The following FAT3 variants were observed in gnomAD, a reference collection of about 807,000 sequenced individuals.
FAT3 encodes protocadherin Fat 3.
A neutral mutation model predicts 310.2 loss-of-function variants in FAT3; 95 were observed. The ratio of observed to expected loss-of-function variants is 0.31; its 90% confidence interval spans 0.26 to 0.36. The LOEUF is 0.36. Ranked by LOEUF, FAT3 falls within the 10% of genes least tolerant of loss-of-function variation. The pLI is 1.00. For missense variants in FAT3, 5,408 were observed against 5,715.6 expected (o/e 0.95, Z 1.74); for synonymous variants, 2,314 against 2,192.9 (o/e 1.06, Z -1.54).
intron 4 of FAT3, among the ~76,000 whole-genome samples, chr11:92,708,979 C>T (rs1210880743): frequency 6.6e-6 from 1 of 152,206 alleles, no homozygotes; most frequent in Admixed American, 6.6e-5. Flanking sequence ...CAGTCTTTCC[C>T]TCTGGCTTTC....
intron 3 of FAT3, among the ~76,000 whole-genome samples, chr11:92,538,791 G>C (rs1437280975): frequency 6.6e-6 from 1 of 152,044 alleles, no homozygotes; most frequent in African/African-American, 2.4e-5. Context: ...AAGAGATTAA[G>C]TAAATAATAT....
At chr11:92,331,597 C>T (rs369596689) in intron 1 of FAT3, among the ~76,000 whole-genome samples, 1 of 152,170 alleles carries the variant, frequency 6.6e-6, no homozygotes, top group East Asian at 1.9e-4. Context: ...ATCCTGACTT[C>T]TTTTCCTTTA....
intron 4 of FAT3, among the ~76,000 whole-genome samples, chr11:92,711,686 G>T (rs1459326678): frequency 2.6e-5 from 4 of 152,160 alleles, no homozygotes; most frequent in Non-Finnish European, 5.9e-5. Context: ...AAATGTTTAT[G>T]TAAATATCTT....
rs575209505 is a variant in FAT3, at chr11:92,600,172, C to T, written c.3607+75224C>T. Among the ~76,000 whole-genome samples the T allele has an allele frequency of 1.1e-4, 16 of 152,298 alleles. No homozygotes were observed. The South Asian group carries it at 3.1e-3, about 30-fold the overall frequency. On this transcript the variant is annotated intron_variant, in intron 3 of 27. Coordinates refer to ENST00000525166, the MANE Select transcript of FAT3 (RefSeq NM_001367949.2). ...AGTTATCACTTACTGTAGTCAGAAC[C>T]TGCTTCTGGCACTCCCATGCAATCC...
chr11:92,295,109 GTCA>G (rs1946815603), intron 1 of FAT3, among the ~76,000 whole-genome samples: 1 of 152,106 alleles, frequency 6.6e-6, no homozygotes, highest in Non-Finnish European at 1.5e-5. Context: ...CATTTCTCCT[GTCA>G]TCATCTCATT....
At chr11:92,739,594 A>G (rs1945448014) in intron 4 of FAT3, among the ~76,000 whole-genome samples, 1 of 152,210 alleles carries the variant, frequency 6.6e-6, no homozygotes, top group South Asian at 2.1e-4. Flanking sequence ...TTGGCTGGAT[A>G]TTAGAATCCC....
Position 92,431,449 on chromosome 11 carries a change from T to C in FAT3, c.3292+76045T>C, listed in dbSNP as rs186751777. On this transcript the variant is annotated intron_variant, in intron 2 of 27. Coordinates refer to ENST00000525166, the MANE Select transcript of FAT3 (RefSeq NM_001367949.2). ...TCAGTAGATTGCAAAAATTTTCTCC[T>C]ATTCTGTAGGTTGCCTGTTCACTCT... is the stretch of plus-strand genomic sequence containing the variant. Among the ~76,000 whole-genome samples the C allele has an allele frequency of 4.1e-3, 626 of 151,888 alleles. 9 individuals carry two copies. Among genetic ancestry groups the C allele is most frequent in the African/African-American group, 0.014 (578 of 41,480 alleles).
chr11:92,633,972 G>A (rs1264896477), intron 3 of FAT3, among the ~76,000 whole-genome samples: 1 of 152,184 alleles, frequency 6.6e-6, no homozygotes, highest in African/African-American at 2.4e-5. Context: ...ACAGTTCCAA[G>A]CACAGACTGA....
intron 2 of FAT3, among the ~76,000 whole-genome samples, chr11:92,495,105 C>G (rs950242127): frequency 2.6e-5 from 4 of 152,026 alleles, no homozygotes; most frequent in African/African-American, 4.8e-5. Context: ...CAAGCATATG[C>G]AGCATCTTCT....
intron 3 of FAT3, among the ~76,000 whole-genome samples, chr11:92,681,684 A>T (rs1040335603): frequency 2.0e-5 from 3 of 152,230 alleles, no homozygotes; most frequent in South Asian, 2.1e-4. Context: ...CAGAGCTCTT[A>T]AGAGAAGCAT....
chr11:92,418,511 C>G (rs189803697), intron 2 of FAT3, among the ~76,000 whole-genome samples: 6 of 133,722 alleles, frequency 4.5e-5, no homozygotes, highest in Admixed American at 9.3e-5. Flanking sequence ...TTGCTGTTGT[C>G]CTGGTTGTTA....
intron 18 of FAT3, among the ~76,000 whole-genome samples, chr11:92,843,622 A>G (rs1470554493): frequency 6.6e-6 from 1 of 152,198 alleles, no homozygotes; most frequent in Non-Finnish European, 1.5e-5. Flanking sequence ...GCTGCATACA[A>G]TTAAAACAAG....
intron 1 of FAT3, among the ~76,000 whole-genome samples, chr11:92,305,467 A>G (rs940276292): frequency 2.0e-5 from 3 of 152,290 alleles, no homozygotes; most frequent in African/African-American, 7.2e-5. Context: ...ATGATGAAAC[A>G]GGATATTTAC....
intron 2 of FAT3, among the ~76,000 whole-genome samples, chr11:92,451,327 G>A (rs1003734026): frequency 1.3e-5 from 2 of 152,278 alleles, no homozygotes; most frequent in East Asian, 1.9e-4. Flanking sequence ...GCACAGCTCC[G>A]CGGATAAGGT....
intron 9 of FAT3, among the ~76,000 whole-genome samples, chr11:92,793,495 C>T (rs1322242872): frequency 1.3e-5 from 2 of 152,122 alleles, no homozygotes; most frequent in Non-Finnish European, 2.9e-5. Flanking sequence ...GGAGTCTGAA[C>T]TGCTTGCTGA....
At chr11:92,737,501 A>G (rs1306437375) in intron 4 of FAT3, among the ~76,000 whole-genome samples, 2 of 152,066 alleles carry the variant, frequency 1.3e-5, no homozygotes, top group Non-Finnish European at 2.9e-5. Flanking sequence ...TGGTGTGTGT[A>G]TATATACATC....
At chr11:92,843,111 T>G (rs1948591347) in intron 18 of FAT3, among the ~76,000 whole-genome samples, 1 of 151,040 alleles carries the variant, frequency 6.6e-6, no homozygotes, top group Admixed American at 6.6e-5. Context: ...ATGTAGTGGG[T>G]GACAGAGACA....
intron 3 of FAT3, among the ~76,000 whole-genome samples, chr11:92,669,957 A>AT (rs1943079368): frequency 6.6e-6 from 1 of 152,188 alleles, no homozygotes; most frequent in African/African-American, 2.4e-5. Flanking sequence ...CCAAGACCTA[A>AT]TTTTGCCACC....
chr11:92,865,525 C>T (rs1179508354), intron 21 of FAT3, among the ~76,000 whole-genome samples: 1 of 152,218 alleles, frequency 6.6e-6, no homozygotes, highest in East Asian at 1.9e-4. Context: ...GACTCAGACG[C>T]TGGCCTCCAC....
Sources: gnomAD v4.1 joint callset for allele counts (sites outside exome capture counted in the v4.1 genomes callset) on GRCh38, gnomAD v4.1.1 for gene constraint, MANE v1.5 for transcripts, NCBI Gene and HGNC (gene_info 2026-07-23, HGNC 2026-07-21) for gene names.